The following GANAB variants were observed in gnomAD, a reference collection of about 807,000 sequenced individuals.
The protein encoded by GANAB is neutral alpha-glucosidase AB.
In GANAB, 35 loss-of-function variants were observed where a neutral mutation model predicts 129.9. That is an observed-to-expected ratio of 0.27 (90% CI 0.21 to 0.36). GANAB has a LOEUF of 0.36. GANAB is among the 10% of genes least tolerant of loss of function. The probability of loss-of-function intolerance (pLI) is 1.00; values close to 1 mark genes in which losing one functional copy is unlikely to be tolerated. For missense variants in GANAB, 939 were observed against 1,221.0 expected (o/e 0.77, Z 3.44); for synonymous variants, 482 against 451.8 (o/e 1.07, Z -0.85).
intron 9 of GANAB, among the ~76,000 whole-genome samples, chr11:62,631,607 C>A (rs562102998): frequency 6.6e-6 from 1 of 151,558 alleles, no homozygotes; most frequent in Non-Finnish European, 1.5e-5. Flanking sequence ...AGACTACAGG[C>A]GCACACCACC....
At chr11:62,638,485 G>C (rs1312301469) in intron 4 of GANAB, among the ~76,000 whole-genome samples, 1 of 151,946 alleles carries the variant, frequency 6.6e-6, no homozygotes, top group Non-Finnish European at 1.5e-5. Context: ...GTATTTAAGA[G>C]AAAGTCATGG....
intron 22 of GANAB, 34 bp from the exon 23 acceptor site, chr11:62,626,199 G>A (rs753140462): frequency 4.7e-6 from 7 of 1,487,998 alleles, no homozygotes; most frequent in Non-Finnish European, 4.7e-6. Context: ...CCATCAGGGG[G>A]AAAAATAACA....
chr11:62,635,238 G>A (rs974683701), intron 4 of GANAB, among the ~76,000 whole-genome samples: 1 of 150,930 alleles, frequency 6.6e-6, no homozygotes, highest in Non-Finnish European at 1.5e-5. Context: ...AGGCTGGAGT[G>A]CAATGGCGCA....
chr11:62,633,357 G>GATTTA, intron 6 of GANAB, 86 bp from the exon 7 acceptor site: 2 of 1,545,500 alleles, frequency 1.3e-6, no homozygotes, highest in Non-Finnish European at 1.8e-6. Flanking sequence ...TCCCTGATGG[G>GATTTA]GAGACTAAGT....
chr11:62,627,156 G>A lies in GANAB; in HGVS notation c.2246-32C>T, dbSNP rs1456737176. The A allele has an allele frequency of 9.5e-6, 15 of 1,578,186 alleles. No individual in the cohort carries two copies. The East Asian group carries it at 3.4e-4, about 35-fold the overall frequency. On this transcript the variant is annotated intron_variant, in intron 18 of 23. Coordinates refer to ENST00000356638, the MANE Select transcript of GANAB (RefSeq NM_198334.3). ...TATGCCAGAATCAACTCTGAATAGG[G>A]GGATTAGTTCCCAGAACAGGGAACA...
intron 1 of GANAB, among the ~76,000 whole-genome samples, chr11:62,645,698 T>G (rs1944447884): frequency 6.6e-6 from 1 of 152,196 alleles, no homozygotes; most frequent in South Asian, 2.1e-4. Context: ...ACGGCGGCCT[T>G]GACCACCCCA....
At chr11:62,628,285 C>T (rs1457908985) in intron 17 of GANAB, among the ~76,000 whole-genome samples, 1 of 144,944 alleles carries the variant, frequency 6.9e-6, no homozygotes, top group Non-Finnish European at 1.5e-5. Flanking sequence ...AGAGCAATCT[C>T]GGCTCACTGC....
At chr11:62,630,027 G>A (rs1156642016) in intron 13 of GANAB, 70 bp from the exon 14 acceptor site, 4 of 1,527,206 alleles carry the variant, frequency 2.6e-6, no homozygotes, top group Non-Finnish European at 3.6e-6. Flanking sequence ...TGTCAGAGAA[G>A]AGAGCTCCTA....
chr11:62,638,485 GAA>G (rs1944048951), intron 4 of GANAB, among the ~76,000 whole-genome samples: 1 of 151,946 alleles, frequency 6.6e-6, no homozygotes, highest in East Asian at 1.9e-4. Flanking sequence ...GTATTTAAGA[GAA>G]AGTCATGGAT....
rs764962446 is a variant in GANAB, at chr11:62,626,589, A to G, written c.2493T>C (p.Phe831=). 1 of 1,609,394 alleles carries G rather than the reference A, an allele frequency of 6.2e-7. No individual in the cohort carries two copies. The highest frequency in any genetic ancestry group is 2.2e-5 in the East Asian group (1 of 44,858). Residue 831 remains phenylalanine, a synonymous_variant, in exon 21 of 24, where the codon TTT becomes TTC. Coordinates refer to ENST00000356638, the MANE Select transcript of GANAB (RefSeq NM_198334.3). ...CACTTACCTGAGGGCTAAGTGCAAC[A>G]AAGAGAGTGATGGGGTCATCCTTCA... The part of the protein sequence containing the change: ...ECMKDDPITL[F]VALSPQGTAQ...
Position 62,634,369 on chromosome 11 carries a change from C to T in GANAB, c.560+452G>A, listed in dbSNP as rs1438249653. 7.5e-6 allele frequency: 12 copies of T among 1,608,494 alleles called. No individual in the cohort carries two copies. Among genetic ancestry groups the T allele is most frequent in the South Asian group, 4.4e-5 (4 of 90,980 alleles). Reference sequence around the variant, plus strand: ...TACCAAGCGTGAGATTAACCTTATCCGAGAAACTGGGGCAGGAGGAGATGG... The same window carrying T: ...TACCAAGCGTGAGATTAACCTTATCTGAGAAACTGGGGCAGGAGGAGATGG... On this transcript the variant is annotated intron_variant, in intron 5 of 23. Transcript: ENST00000356638.
Position 62,631,123 on chromosome 11 carries a change from C to T in GANAB, c.1057G>A (p.Val353Ile), listed in dbSNP as rs2134482553. The change falls in exon 10 of 24, where the codon GTT becomes ATT. Residue 353 changes from valine (V) to isoleucine (I), a missense_variant. Physicochemically the swap from Val to Ile is conservative, Grantham distance 29 (BLOSUM62 3). Around this residue, in one of 5 missense-constraint regions of GANAB, gnomAD observed 220 missense variants for 295.9 expected, o/e 0.74. Transcript: ENST00000356638. ...QGSGETPQTD[V>I]RWMSETGIID... ...ATGCCAGTCTCTGACATCCAGCGAA[C>T]ATCTGTCTGTGGGGTCTCCCCAGAG... 6.2e-7 allele frequency: 1 copy of T among 1,611,734 alleles called. No individual in the cohort carries two copies. Among genetic ancestry groups the T allele is most frequent in the African/African-American group, 1.3e-5 (1 of 75,006 alleles).
At position 62,630,688 on chromosome 11, in the gene GANAB, A is replaced by C. The variant is rs149738600; in HGVS notation, c.1299T>G (p.Ala433=). Residue 433 remains alanine (A), a synonymous_variant, in exon 11 of 24, where the codon GCT becomes GCG. Transcript: ENST00000356638. ...CCCAGGTGAAATACCGCTTGCCATC[A>C]GCATGTTCAATGTCTAGCCAGATGA... The part of the protein sequence containing the change: ...CDVIWLDIEH[A]DGKRYFTWDP... 681 of 1,614,084 alleles carry C rather than the reference A, an allele frequency of 4.2e-4. No homozygotes were observed. Among genetic ancestry groups the C allele is most frequent in the Non-Finnish European group, 5.6e-4 (661 of 1,180,030 alleles).
chr11:62,625,156 G>T lies in GANAB; in HGVS notation c.*659C>A, dbSNP rs1310197430. The T allele has an allele frequency of 2.2e-6, 1 of 452,102 alleles. No homozygotes were observed. The highest frequency in any genetic ancestry group is 2.0e-5 in the African/African-American group (1 of 49,924). 28.0% of individuals were successfully genotyped at this position (452,102 alleles called of 1,614,324 possible). ...AGAGGTGTGGAAACGTCTTTCTGCC[G>T]AGGGACAGAGGAGGTAGAACTGCCC... On this transcript the variant is annotated 3_prime_UTR_variant, in exon 24 of 24. Transcript: ENST00000356638.
chr11:62,644,132 C>T (rs1208976442), intron 1 of GANAB, among the ~76,000 whole-genome samples: 11 of 151,928 alleles, frequency 7.2e-5, no homozygotes, highest in Admixed American at 5.9e-4. Context: ...TTAGTAGAGA[C>T]GGGGTTTCTC....
intron 1 of GANAB, among the ~76,000 whole-genome samples, chr11:62,640,832 C>CAAAAA (rs36113826): frequency 8.0e-5 from 6 of 74,758 alleles, no homozygotes; most frequent in East Asian, 8.3e-4. Flanking sequence ...AACTCCCTCT[C>CAAAAA]AAAAAAAAAA....
At chr11:62,630,550 C>G (rs766151341) in intron 11 of GANAB, 45 bp from the exon 12 acceptor site, 28 of 1,613,442 alleles carry the variant, frequency 1.7e-5, no homozygotes, top group Middle Eastern at 1.6e-4. Context: ...TAAGGCTAAA[C>G]TATGCTTCAG....
At position 62,627,335 on chromosome 11, in the gene GANAB, G is replaced by T; in HGVS notation, c.2199C>A (p.Tyr733Ter). ...TATTGAAGGTAGTCACATCCTGAGG[G>T]TACTGCACCCACAGGGGCCTAGGAA... ...IPVMRPLWVQYPQDVTTFNID... is the reference protein window; with the variant it reads ...IPVMRPLWVQ Residue 733 changes from tyrosine (Y) to a stop codon, truncating the protein, a stop_gained, in exon 18 of 24, where the codon TAC becomes TAA. Transcript: ENST00000356638. LOFTEE classifies it high-confidence loss of function. 1 of 1,569,352 alleles carries T rather than the reference G, an allele frequency of 6.4e-7. No homozygotes were observed. Among genetic ancestry groups the T allele is most frequent in the Non-Finnish European group, 8.8e-7 (1 of 1,139,220 alleles).
chr11:62,630,525 G>A lies in GANAB; in HGVS notation c.1387-20C>T. 1 of 1,614,178 alleles carries A rather than the reference G, an allele frequency of 6.2e-7. No homozygotes were observed. The highest frequency in any genetic ancestry group is 1.1e-5 in the South Asian group (1 of 91,088). Reference sequence around the variant, plus strand: ...CACCAGCTGGGGGCAAGGAACAGGGGTGTTCAGGTCTCTTTAAGGCTAAAC... The same window carrying A: ...CACCAGCTGGGGGCAAGGAACAGGGATGTTCAGGTCTCTTTAAGGCTAAAC... On this transcript the variant is annotated intron_variant, in intron 11 of 23. Transcript: ENST00000356638.
Sources: allele counts gnomAD v4.1 joint callset (sites outside exome capture counted in the v4.1 genomes callset), GRCh38; gene constraint gnomAD v4.1.1; regional missense constraint gnomAD v4.1.1; transcripts MANE v1.5; gene names NCBI Gene and HGNC (gene_info 2026-07-23, HGNC 2026-07-21).